Variants in NXF1 observed in about 807,000 individuals in gnomAD.
The protein encoded by NXF1 is nuclear RNA export factor 1.
NXF1 carries 43 observed loss-of-function variants against 92.4 expected under a neutral mutation model. That is an observed-to-expected ratio of 0.47 (90% CI 0.36 to 0.60). The LOEUF is 0.60. Ranked by LOEUF, NXF1 falls within the 20% of genes least tolerant of loss-of-function variation. NXF1 has a pLI of 0.00. For missense variants in NXF1, 576 were observed against 793.0 expected, an observed-to-expected ratio of 0.73 and a Z score of 3.29; for synonymous variants, 288 against 292.2, an observed-to-expected ratio of 0.99 and a Z score of 0.15.
Position 62,803,930 on chromosome 11 carries a change from C to T in NXF1, c.77G>A (p.Arg26Gln). 2 of 1,614,094 alleles carry T rather than the reference C, an allele frequency of 1.2e-6. No homozygotes were observed. The highest frequency in any genetic ancestry group is 1.7e-6 in the Non-Finnish European group (2 of 1,180,016). The stretch of plus-strand genomic sequence containing the variant: ...ACCATATTTCCACCGGAAGGGACCC[C>T]GGCCTTTCTTCTTTCTTTGAGGGAA... Reference protein sequence around the residue: ...VNFPQRKKKGRGPFRWKYGEG... With the variant: ...VNFPQRKKKGQGPFRWKYGEG... The change falls in exon 2 of 21, where the codon CGG becomes CAG. Residue 26 changes from arginine (R) to glutamine (Q), a missense_variant. By Grantham distance (43) the Arg-to-Gln change is conservative (BLOSUM62 1). Coordinates refer to ENST00000294172, the MANE Select transcript of NXF1 (RefSeq NM_006362.5).
chr11:62,801,627 A>G lies in NXF1; in HGVS notation c.644T>C (p.Ile215Thr), dbSNP rs1214777783. Residue 215 changes from isoleucine (I) to threonine (T), a missense_variant, in exon 7 of 21, where the codon ATC becomes ACC. Around this residue, in one of 2 missense-constraint regions of NXF1, gnomAD observed 425 missense variants for 635.2 expected, o/e 0.67. Coordinates refer to ENST00000294172, the MANE Select transcript of NXF1 (RefSeq NM_006362.5). ...KPEQVEQLKLIMSKRYDGSQQ... is the reference protein window; with the variant it reads ...KPEQVEQLKLTMSKRYDGSQQ... ...GGAGCCATCGTATCGTTTGCTCATGATCAGCTAGAGGAAAAAGAAGGGTTT... is the reference window on the plus strand; with the variant it reads ...GGAGCCATCGTATCGTTTGCTCATGGTCAGCTAGAGGAAAAAGAAGGGTTT... 4 of 1,611,896 alleles carry G rather than the reference A, an allele frequency of 2.5e-6. No homozygotes were observed. The highest frequency in any genetic ancestry group is 3.4e-6 in the Non-Finnish European group (4 of 1,179,754).
intron 17 of NXF1, chr11:62,795,428 A>C (rs565396102): frequency 1.9e-5 from 4 of 205,476 alleles, no homozygotes; most frequent in Non-Finnish European, 3.0e-5. Context: ...GTGAGCCAAG[A>C]TTGCGCCACT....
At chr11:62,804,215 A>C (rs1365139408) in intron 1 of NXF1, 1 of 1,494,486 alleles carries the variant, frequency 6.7e-7, no homozygotes, top group East Asian at 2.7e-5. Context: ...TAGAAACTGG[A>C]ATTAGAGAGA....
At chr11:62,805,086 G>A (rs2084520813) in intron 1 of NXF1, 2 of 373,172 alleles carry the variant, frequency 5.4e-6, no homozygotes, top group Admixed American at 4.7e-5. Context: ...AAGTTCAAAG[G>A]AATCCCGTCA....
chr11:62,797,454 C>T, intron 11 of NXF1, 68 bp from the exon 12 acceptor site: 1 of 1,406,574 alleles, frequency 7.1e-7, no homozygotes, highest in South Asian at 1.2e-5. Context: ...GATCCCAGAA[C>T]TTTGGGAGGC....
In NXF1 at chr11:62,803,503, A is replaced by T. The variant is rs2084501780; in HGVS notation, c.285T>A (p.Thr95=). The part of the protein sequence containing the change: ...TWHDRDRIHV[T]VRRDRAPPER... ...CTGGAGGAGCTCTGTCTCTCCGCAC[A>T]GTAACATGAATGCGATCTCGATCAT... is the stretch of plus-strand genomic sequence containing the variant. Residue 95 remains threonine, a synonymous_variant, in exon 3 of 21, where the codon ACT becomes ACA. Coordinates refer to ENST00000294172, the MANE Select transcript of NXF1 (RefSeq NM_006362.5). 3.7e-6 allele frequency: 6 copies of T among 1,613,958 alleles called. No homozygotes were observed. The South Asian group carries it at 4.4e-5, about 12-fold the overall frequency.
At chr11:62,794,545 C>A in intron 18 of NXF1, 105 bp from the exon 19 acceptor site, 1 of 982,810 alleles carries the variant, frequency 1.0e-6, no homozygotes, top group South Asian at 1.6e-5. Flanking sequence ...CCCCCTCCCA[C>A]TCTTAGCTAT....
chr11:62,804,271 A>C, intron 1 of NXF1: 1 of 1,332,964 alleles, frequency 7.5e-7, no homozygotes, highest in Non-Finnish European at 9.9e-7. Context: ...CTGAACACAA[A>C]TCAGACCTCT....
At chr11:62,798,732 C>G (rs2084447524) in intron 10 of NXF1, 157 bp from the exon 11 acceptor site, 2 of 1,440,452 alleles carry the variant, frequency 1.4e-6, no homozygotes, top group South Asian at 3.0e-5. Flanking sequence ...ATGGCCCCCA[C>G]TCCCCACCTG....
At chr11:62,799,980 G>T in intron 10 of NXF1, 1 of 1,004,180 alleles carries the variant, frequency 1.0e-6, no homozygotes, top group African/African-American at 1.7e-5. Flanking sequence ...TCCCAGGTAG[G>T]GAGGGCTTCC....
At position 62,792,213 on chromosome 11, in the gene NXF1, G is replaced by C. The variant is rs887967794; in HGVS notation, c.*263C>G. 9.2e-6 allele frequency: 6 copies of C among 651,770 alleles called. No individual in the cohort carries two copies. The highest frequency in any genetic ancestry group is 9.1e-5 in the African/African-American group (5 of 54,946). 40.4% of individuals were successfully genotyped at this position (651,770 alleles called of 1,614,324 possible). On this transcript the variant is annotated 3_prime_UTR_variant, in exon 21 of 21. Transcript: ENST00000294172. ...TATTAAAAAGTAAGGAGGTCCTGGG[G>C]TTAAGTACACAAAGCACCTAAGTCC...
At chr11:62,792,595 G>A (rs751177856) in intron 20 of NXF1, 46 bp downstream of exon 20, 8 of 1,613,658 alleles carry the variant, frequency 5.0e-6, no homozygotes, top group East Asian at 2.2e-5. Context: ...ACCTCCTGGA[G>A]GCCCAGAGAT....
At chr11:62,802,075 G>A (rs2084485334) in intron 4 of NXF1, 29 bp from the exon 5 acceptor site, 6 of 1,610,098 alleles carry the variant, frequency 3.7e-6, no homozygotes, top group African/African-American at 1.3e-5. Flanking sequence ...GCATTACACT[G>A]GGAGTCCAGA....
At position 62,803,864 on chromosome 11, in the gene NXF1, C is replaced by G; in HGVS notation, c.143G>C (p.Arg48Pro). The G allele has an allele frequency of 6.2e-7, 1 of 1,614,180 alleles. No individual in the cohort carries two copies. ...RRSGRGGSGI[R>P]SSRLEEDDGD... Reference sequence around the variant, plus strand: ...ATCATCTTCCTCAAGGCGGGAAGACCGAATACCAGAACCGCCTCTTCCAGA... The same window carrying G: ...ATCATCTTCCTCAAGGCGGGAAGACGGAATACCAGAACCGCCTCTTCCAGA... The change falls in exon 2 of 21, where the codon CGG becomes CCG. Residue 48 changes from arginine (R) to proline (P), a missense_variant. Around this residue, in one of 2 missense-constraint regions of NXF1, gnomAD observed 151 missense variants for 157.8 expected, o/e 0.96. Coordinates refer to ENST00000294172, the MANE Select transcript of NXF1 (RefSeq NM_006362.5).
intron 3 of NXF1, 98 bp from the exon 4 acceptor site, chr11:62,802,358 ACTAT>A: frequency 1.0e-6 from 1 of 959,424 alleles, no homozygotes; most frequent in Non-Finnish European, 1.6e-6. Flanking sequence ...ACTTTTAAAG[ACTAT>A]CTAAAGAAAG....
rs548025044 is a variant in NXF1 at position 62,796,552 on chromosome 11, G to A, written c.1194C>T (p.Tyr398=). ...GGAGCCCTTGTCGGTCTCCAGAGTC[G>A]TAAATTGCATAGTACCTATGGGAAA... ...LHFLQQYYAI[Y]DSGDRQGLLD... Residue 398 remains tyrosine (Y), a synonymous_variant, in exon 14 of 21, where the codon TAC becomes TAT. Coordinates refer to ENST00000294172, the MANE Select transcript of NXF1 (RefSeq NM_006362.5). 5.3e-5 allele frequency: 86 copies of A among 1,612,208 alleles called. 1 individual carries two copies. Among genetic ancestry groups the A allele is most frequent in the South Asian group, 2.9e-4 (26 of 91,068 alleles).
At chr11:62,797,439 C>G in intron 11 of NXF1, 53 bp from the exon 12 acceptor site, 1 of 1,506,156 alleles carries the variant, frequency 6.6e-7, no homozygotes, top group Non-Finnish European at 9.1e-7. Flanking sequence ...GTGGCTCACA[C>G]CTGTGATCCC....
At position 62,801,726 on chromosome 11, in the gene NXF1, G is replaced by A. The variant is rs1032223458; in HGVS notation, c.639+13C>T. Reference sequence around the variant, plus strand: ...AGACTGGGTTGGAAACATCTAATTTGAGCCTGCCTCACCTTTAGCTGTTCT... The same window carrying A: ...AGACTGGGTTGGAAACATCTAATTTAAGCCTGCCTCACCTTTAGCTGTTCT... On this transcript the variant is annotated intron_variant, in intron 6 of 20. Transcript: ENST00000294172. 2.5e-6 allele frequency: 4 copies of A among 1,612,510 alleles called. No homozygotes were observed. The highest frequency in any genetic ancestry group is 1.3e-5 in the African/African-American group (1 of 74,862).
At chr11:62,799,472 C>T (rs1320290095) in intron 10 of NXF1, 13 of 985,852 alleles carry the variant, frequency 1.3e-5, no homozygotes, top group Non-Finnish European at 1.3e-5. Flanking sequence ...GGTGAGGGTC[C>T]ATGCCCCACC....
Sources: gnomAD v4.1 joint callset for allele counts on GRCh38, gnomAD v4.1.1 for gene constraint, gnomAD v4.1.1 regional missense constraint, MANE v1.5 for transcripts, NCBI Gene and HGNC (gene_info 2026-07-23, HGNC 2026-07-21) for gene names.